Variants in CDKAL1 observed in about 807,000 individuals in gnomAD.
The protein encoded by CDKAL1 is threonylcarbamoyladenosine tRNA methylthiotransferase.
Under a neutral mutation model 68.2 loss-of-function variants are expected in CDKAL1, and 32 were observed. The observed-to-expected ratio is 0.47, with a 90% CI of 0.35 to 0.63. CDKAL1 has a LOEUF of 0.63. CDKAL1 is among the 30% of genes least tolerant of loss of function. The pLI is 0.00. For synonymous variants in CDKAL1, 234 were observed against 244.3 expected (o/e 0.96, Z 0.39); for missense variants, 606 against 696.7 (o/e 0.87, Z 1.47).
chr6:20,961,692 G>T (rs1464393911), intron 10 of CDKAL1, among the ~76,000 whole-genome samples: 1 of 151,710 alleles, frequency 6.6e-6, no homozygotes, highest in Non-Finnish European at 1.5e-5. Flanking sequence ...GCGTGAACCT[G>T]GGAGGTGGAG....
chr6:20,695,544 A>G (rs1016781415), intron 5 of CDKAL1, among the ~76,000 whole-genome samples: 1 of 152,176 alleles, frequency 6.6e-6, no homozygotes, highest in African/African-American at 2.4e-5. Context: ...ATACATTACT[A>G]GAGAGCTTCT....
chr6:20,702,848 G>A (rs150804680), intron 5 of CDKAL1, among the ~76,000 whole-genome samples: 1 of 152,156 alleles, frequency 6.6e-6, no homozygotes, highest in Non-Finnish European at 1.5e-5. Context: ...CCCTAGCCAG[G>A]GGCCACGCCC....
chr6:20,786,596 CA>C (rs1171549007), intron 8 of CDKAL1, among the ~76,000 whole-genome samples: 1 of 145,430 alleles, frequency 6.9e-6, no homozygotes, highest in African/African-American at 2.5e-5. Flanking sequence ...CTCCCGGGTT[CA>C]AGCGATTCTC....
chr6:20,904,384 G>T (rs1355296243), intron 9 of CDKAL1, among the ~76,000 whole-genome samples: 2 of 152,076 alleles, frequency 1.3e-5, no homozygotes, highest in African/African-American at 4.8e-5. Flanking sequence ...AGAAAAAAAA[G>T]ATTCAGTCCC....
chr6:20,841,680 A>G (rs1778179986), intron 8 of CDKAL1, among the ~76,000 whole-genome samples: 4 of 152,234 alleles, frequency 2.6e-5, no homozygotes, highest in Admixed American at 2.6e-4. Context: ...AGGCTGAGAC[A>G]GGAGGATAAC....
At chr6:21,190,364 GT>G (rs1308254985) in intron 13 of CDKAL1, among the ~76,000 whole-genome samples, 2 of 150,946 alleles carry the variant, frequency 1.3e-5, no homozygotes, top group Admixed American at 6.6e-5. Flanking sequence ...TATGTGTGGG[GT>G]TTTTTTTGTT....
chr6:20,587,279 G>A (rs555578754), intron 4 of CDKAL1, among the ~76,000 whole-genome samples: 2 of 151,990 alleles, frequency 1.3e-5, no homozygotes, highest in Non-Finnish European at 2.9e-5. Context: ...GAGCTACCAC[G>A]CCTGGCCTCC....
At chr6:21,184,835 T>TC (rs1777943530) in intron 13 of CDKAL1, among the ~76,000 whole-genome samples, 1 of 147,896 alleles carries the variant, frequency 6.8e-6, no homozygotes, top group Admixed American at 6.7e-5. Flanking sequence ...TTTTTTTTTT[T>TC]TTTTTTTTTT....
At position 21,038,798 on chromosome 6, in the gene CDKAL1, A is replaced by T. The variant is rs534972439; in HGVS notation, c.1056-26250A>T. On this transcript the variant is annotated intron_variant, in intron 11 of 15. Transcript: ENST00000274695. The stretch of plus-strand genomic sequence containing the variant: ...AAAATATTGGACACCCCTTCTGTAA[A>T]GGTTAATTTGAAAGATGACCAGTGT... Among the ~76,000 whole-genome samples, 84 of 152,250 alleles carry T rather than the reference A, an allele frequency of 5.5e-4. 1 individual carries two copies. The highest frequency in any genetic ancestry group is 1.9e-3 in the African/African-American group (80 of 41,550).
intron 13 of CDKAL1, among the ~76,000 whole-genome samples, chr6:21,150,859 C>T (rs1776381221): frequency 6.6e-6 from 1 of 152,154 alleles, no homozygotes; most frequent in Admixed American, 6.5e-5. Flanking sequence ...TGAGAGCACA[C>T]ATTATTTCTA....
rs1031411141 is a variant in CDKAL1, at chr6:20,635,126, A to G, written c.287-14167A>G. Among the ~76,000 whole-genome samples the G allele has an allele frequency of 7.9e-5, 12 of 152,298 alleles. No homozygotes were observed. The East Asian group carries it at 1.9e-3, about 24-fold the overall frequency. On this transcript the variant is annotated intron_variant, in intron 4 of 15. Transcript: ENST00000274695. ...ATTTGCTTATTAGGTCTCAAATCCA[A>G]TTCTCTGACCCTCTCAGTCCTGTTT...
chr6:21,212,922 A>G (rs1018020474), intron 15 of CDKAL1, among the ~76,000 whole-genome samples: 1 of 152,170 alleles, frequency 6.6e-6, no homozygotes, highest in Non-Finnish European at 1.5e-5. Context: ...GCCAACCTAA[A>G]AATTTAAGAT....
intron 7 of CDKAL1, among the ~76,000 whole-genome samples, chr6:20,767,009 A>G (rs986004742): frequency 3.3e-5 from 5 of 152,162 alleles, no homozygotes; most frequent in South Asian, 2.1e-4. Context: ...AAAAGAAAAT[A>G]CAAAAATAAC....
intron 15 of CDKAL1, among the ~76,000 whole-genome samples, chr6:21,225,334 A>G (rs1779700952): frequency 1.3e-5 from 2 of 152,122 alleles, no homozygotes; most frequent in African/African-American, 2.4e-5. Context: ...CGGCTTTACC[A>G]TCTCAGAGCC....
At chr6:20,913,177 G>A (rs887326906) in intron 9 of CDKAL1, among the ~76,000 whole-genome samples, 3 of 144,338 alleles carry the variant, frequency 2.1e-5, no homozygotes, top group Non-Finnish European at 3.0e-5. Flanking sequence ...AAATGTAGAA[G>A]CTTAAAACAA....
At chr6:21,034,670 C>G (rs1769477723) in intron 11 of CDKAL1, among the ~76,000 whole-genome samples, 1 of 152,156 alleles carries the variant, frequency 6.6e-6, no homozygotes, top group African/African-American at 2.4e-5. Context: ...CCAACACAAA[C>G]TGCCTACAAG....
chr6:20,934,626 C>A (rs1442398205), intron 9 of CDKAL1, among the ~76,000 whole-genome samples: 1 of 151,932 alleles, frequency 6.6e-6, no homozygotes, highest in East Asian at 1.9e-4. Context: ...AGAAGGAACA[C>A]TTGAGCCCAG....
chr6:20,673,740 C>T (rs1769958865), intron 5 of CDKAL1, among the ~76,000 whole-genome samples: 2 of 152,170 alleles, frequency 1.3e-5, no homozygotes, highest in Admixed American at 1.3e-4. Flanking sequence ...TTGCCCTGAA[C>T]AAGCTCTCTT....
chr6:20,919,264 A>G lies in CDKAL1; in HGVS notation c.743-36155A>G, dbSNP rs376364545. Among the ~76,000 whole-genome samples, 5 of 152,346 alleles carry G rather than the reference A, an allele frequency of 3.3e-5. No homozygotes were observed. In the East Asian group the frequency reaches 7.7e-4, roughly 23 times the overall value. ...CTGTAGACTTTTCTTCATTATTCACAGTAGATTTAAATCACGATCAGAGAC... is the reference window on the plus strand; with the variant it reads ...CTGTAGACTTTTCTTCATTATTCACGGTAGATTTAAATCACGATCAGAGAC... On this transcript the variant is annotated intron_variant, in intron 9 of 15. Coordinates refer to ENST00000274695, the MANE Select transcript of CDKAL1 (RefSeq NM_017774.3).
Sources: gnomAD v4.1 joint callset for allele counts (sites outside exome capture counted in the v4.1 genomes callset) on GRCh38, gnomAD v4.1.1 for gene constraint, MANE v1.5 for transcripts, NCBI Gene and HGNC (gene_info 2026-07-23, HGNC 2026-07-21) for gene names.